Variants in KIAA1549 observed in about 807,000 individuals in gnomAD.
KIAA1549 encodes the protein KIAA1549.
KIAA1549 carries 70 observed loss-of-function variants against 156.4 expected under a neutral mutation model. The observed-to-expected ratio is 0.45, with a 90% confidence interval of 0.37 to 0.55. KIAA1549 has a LOEUF of 0.55. Among genes scored for constraint, KIAA1549 ranks in the 20% least tolerant of loss-of-function variants. The pLI, the probability that KIAA1549 is intolerant of heterozygous loss-of-function variation, is 0.00. For synonymous variants in KIAA1549, 1,103 were observed against 1,066.4 expected (o/e 1.03, Z -0.67); for missense variants, 2,428 against 2,540.9 (o/e 0.96, Z 0.96).
intron 8 of KIAA1549, among the ~76,000 whole-genome samples, chr7:138,899,903 C>G (rs185349101): frequency 6.6e-5 from 10 of 152,308 alleles, no homozygotes; most frequent in Admixed American, 5.2e-4. Context: ...AAATCTAGCA[C>G]ACTTGACATA....
intron 1 of KIAA1549, among the ~76,000 whole-genome samples, chr7:138,935,020 G>T (rs79774142): frequency 0.011 from 1,748 of 152,190 alleles, 32 homozygotes; most frequent in African/African-American, 0.04. Context: ...CTTGCTCAGT[G>T]CCCCCCGGAG....
chr7:138,917,444 C>T lies in KIAA1549; in HGVS notation c.2182G>A (p.Glu728Lys). The T allele has an allele frequency of 1.9e-6, 3 of 1,613,886 alleles. No homozygotes were observed. Among genetic ancestry groups the T allele is most frequent in the Non-Finnish European group, 2.5e-6 (3 of 1,179,880 alleles). Residue 728 changes from glutamate to lysine, a missense_variant, in exon 2 of 20, where the codon GAG (glutamate) becomes AAG (lysine). Physicochemically the swap from Glu to Lys is moderately conservative, Grantham distance 56 (BLOSUM62 1). Transcript: ENST00000422774. ...GAAACCGTAGACGCTTCAACAAACT[C>T]GAGAGAATCAGAAGGGAAGCTTGAC... ...PWSSFPSDSL[E>K]FVEASTVSLT...
chr7:138,981,062 G>A lies in KIAA1549; in HGVS notation c.187+21C>T, dbSNP rs547413527. 377 of 1,224,274 alleles carry A rather than the reference G, an allele frequency of 3.1e-4. No homozygotes were observed. In the African/African-American group the frequency reaches 5.4e-3, roughly 18 times the overall value. The allele number at this position is 1,224,274 out of a possible 1,614,324, so 75.8% of individuals were successfully genotyped here. On this transcript the variant is annotated intron_variant, in intron 1 of 19. Coordinates refer to ENST00000422774, the MANE Select transcript of KIAA1549 (RefSeq NM_001164665.2). This position sits in a 1 kb window ranked among gnomAD's most constrained non-coding sequence, Gnocchi z 4.5. Reference sequence around the variant, plus strand: ...GCAGGCGGGGTCGCGGCCGCGTTCCGAGGGTCTCGGCGGAGCTTACCTGGG... The same window carrying A: ...GCAGGCGGGGTCGCGGCCGCGTTCCAAGGGTCTCGGCGGAGCTTACCTGGG...
intron 1 of KIAA1549, among the ~76,000 whole-genome samples, chr7:138,975,516 GCTAGAGGGTTAATGAGATTAGCGCTAAT>G (rs1814348971): frequency 6.6e-6 from 1 of 152,150 alleles, no homozygotes; most frequent in African/African-American, 2.4e-5. Context: ...GCTACAAGGA[GCTAGAGGGTTAATGAGATTAGCGCTAAT>G]CTCATTAACC....
intron 10 of KIAA1549, among the ~76,000 whole-genome samples, chr7:138,887,902 TTCCCC>T (rs1811443977): frequency 6.6e-6 from 1 of 152,180 alleles, no homozygotes; most frequent in Admixed American, 6.5e-5. Flanking sequence ...ATTTCATAGC[TTCCCC>T]TCGACCATCT....
chr7:138,955,915 C>T (rs1245220113), intron 1 of KIAA1549, among the ~76,000 whole-genome samples: 3 of 152,040 alleles, frequency 2.0e-5, no homozygotes, highest in South Asian at 4.1e-4. Context: ...GGTTTTGAGA[C>T]GGAGTCTTGC....
chr7:138,980,997 G>A (rs990263457), intron 1 of KIAA1549, 86 bp downstream of exon 1: 2 of 1,137,854 alleles, frequency 1.8e-6, no homozygotes, highest in South Asian at 4.4e-5. Flanking sequence ...AAAGAGGATG[G>A]GCGGGGAAAG....
Position 138,899,022 on chromosome 7 carries a change from A to C in KIAA1549, c.3780T>G (p.Ile1260Met), listed in dbSNP as rs1811767861. Residue 1260 changes from isoleucine to methionine, a missense_variant, in exon 9 of 20, where the codon ATT becomes ATG. Ile to Met is a conservative substitution (Grantham distance 10, BLOSUM62 1). Transcript: ENST00000422774. ...RLSAVKSSDL[I>M]NKMDLQRAAI... is the part of the protein sequence containing the mutation. ...CTGCTCTCTGGAGGTCCATTTTGTTAATCAGGTCCGAAGACTTGACTGCAC... is the reference window on the plus strand; with the variant it reads ...CTGCTCTCTGGAGGTCCATTTTGTTCATCAGGTCCGAAGACTTGACTGCAC... 6.2e-7 allele frequency: 1 copy of C among 1,613,734 alleles called. No individual in the cohort carries two copies. The highest frequency in any genetic ancestry group is 8.5e-7 in the Non-Finnish European group (1 of 1,179,772).
chr7:138,930,864 G>C (rs574937105), intron 1 of KIAA1549, among the ~76,000 whole-genome samples: 3 of 152,332 alleles, frequency 2.0e-5, no homozygotes, highest in East Asian at 3.9e-4. Context: ...TCTATTTGTT[G>C]CAAGAGGTCA....
chr7:138,970,210 G>A (rs1225092253), intron 1 of KIAA1549, among the ~76,000 whole-genome samples: 1 of 152,104 alleles, frequency 6.6e-6, no homozygotes, highest in Admixed American at 6.6e-5. Flanking sequence ...CAGACATGTG[G>A]GTTGCTTCTG....
chr7:138,976,321 A>G (rs568072831), intron 1 of KIAA1549, among the ~76,000 whole-genome samples: 1 of 152,114 alleles, frequency 6.6e-6, no homozygotes. Context: ...AGGTGATCCC[A>G]AAGTGTTGGG....
At chr7:138,910,542 C>T (rs1812138731) in intron 4 of KIAA1549, among the ~76,000 whole-genome samples, 1 of 151,738 alleles carries the variant, frequency 6.6e-6, no homozygotes, top group Non-Finnish European at 1.5e-5. Context: ...GGATTACAGG[C>T]GTATGCCACC....
Position 138,918,521 on chromosome 7 carries a change from C to T in KIAA1549, c.1105G>A (p.Ala369Thr). The change falls in exon 2 of 20, where the codon GCG becomes ACG. Residue 369 changes from alanine (A) to threonine (T), a missense_variant. Transcript: ENST00000422774. The surrounding 1 kb of genome is among the most constrained non-coding windows in gnomAD (Gnocchi z 4.2). Reference protein sequence around the residue: ...SPLLSTPLAFASSASPTDVSS... With the variant: ...SPLLSTPLAFTSSASPTDVSS... ...ACATCAGTTGGTGAAGCAGAGGACGCAAATGCAAGAGGAGTTGAAAGCAAT... is the reference window on the plus strand; with the variant it reads ...ACATCAGTTGGTGAAGCAGAGGACGTAAATGCAAGAGGAGTTGAAAGCAAT... 6.2e-7 allele frequency: 1 copy of T among 1,614,012 alleles called. No homozygotes were observed. The highest frequency in any genetic ancestry group is 1.1e-5 in the South Asian group (1 of 91,088).
chr7:138,941,679 G>A (rs975082041), intron 1 of KIAA1549, among the ~76,000 whole-genome samples: 2 of 152,172 alleles, frequency 1.3e-5, no homozygotes, highest in Admixed American at 1.3e-4. Flanking sequence ...CTGACCCTGA[G>A]AAACCCTCTA....
At chr7:138,973,989 T>C (rs1033286540) in intron 1 of KIAA1549, among the ~76,000 whole-genome samples, 3 of 152,172 alleles carry the variant, frequency 2.0e-5, no homozygotes, top group Admixed American at 2.0e-4. Flanking sequence ...TAAAAATCAA[T>C]GAATGAATGT....
intron 9 of KIAA1549, among the ~76,000 whole-genome samples, chr7:138,897,391 A>G (rs1811712135): frequency 6.6e-6 from 1 of 152,208 alleles, no homozygotes; most frequent in Non-Finnish European, 1.5e-5. Flanking sequence ...AGGGACAAGT[A>G]CAGATTTCAT....
intron 1 of KIAA1549, among the ~76,000 whole-genome samples, chr7:138,933,001 AT>A (rs1158264448): frequency 6.6e-6 from 1 of 152,182 alleles, no homozygotes; most frequent in Non-Finnish European, 1.5e-5. Context: ...AAAACAGAAA[AT>A]CGGTCGGTAC....
In KIAA1549 at chr7:138,835,847, T is replaced by C. The variant is rs1223831969; in HGVS notation, c.*2059A>G. 9.0e-6 allele frequency: 2 copies of C among 221,514 alleles called. No individual in the cohort carries two copies. Among genetic ancestry groups the C allele is most frequent in the Non-Finnish European group, 1.8e-5 (2 of 110,828 alleles). 13.7% of individuals were successfully genotyped at this position (221,514 alleles called of 1,614,324 possible). ...CTCCTTGGAGCCTCTGAGGATCGCC[T>C]GATAAGATGCTGCTGGTCCTTTGTT... On this transcript the variant is annotated 3_prime_UTR_variant, in exon 20 of 20. Transcript: ENST00000422774.
intron 10 of KIAA1549, among the ~76,000 whole-genome samples, chr7:138,892,625 T>A (rs974554458): frequency 6.6e-6 from 1 of 152,228 alleles, no homozygotes; most frequent in African/African-American, 2.4e-5. Flanking sequence ...ATGTATAAAA[T>A]GCTTTTCATG....
Sources: gnomAD v4.1 joint callset for allele counts (sites outside exome capture counted in the v4.1 genomes callset) on GRCh38, gnomAD v4.1.1 for gene constraint, Gnocchi (gnomAD v3.1) non-coding constraint, MANE v1.5 for transcripts, NCBI Gene and HGNC (gene_info 2026-07-23, HGNC 2026-07-21) for gene names.